CCDC169: variants seen among roughly 807,000 people sequenced by gnomAD.
CCDC169 encodes the protein coiled-coil domain containing 169, also known as coiled-coil domain-containing protein 169.
A neutral mutation model predicts 36.0 loss-of-function variants in CCDC169; 30 were observed. That is an observed-to-expected ratio of 0.83 (90% confidence interval 0.62 to 1.13). The LOEUF (loss-of-function observed/expected upper bound fraction) is 1.13. CCDC169 is among the 50% of genes most tolerant of loss of function. The pLI, the probability that CCDC169 is intolerant of heterozygous loss-of-function variation, is 0.00. For synonymous variants in CCDC169, 85 were observed against 81.5 expected (o/e 1.04, Z -0.23); for missense variants, 245 against 245.9 (o/e 1.00, Z 0.03).
Position 36,252,941 on chromosome 13 carries a change from T to C in CCDC169, c.468+862A>G, listed in dbSNP as rs562925888. Among the ~76,000 whole-genome samples, 51 of 152,354 alleles carry C rather than the reference T, an allele frequency of 3.3e-4. 1 individual carries two copies. The South Asian group carries it at 0.01, about 30-fold the overall frequency. On this transcript the variant is annotated intron_variant, in intron 6 of 7. Transcript: ENST00000239859. The stretch of plus-strand genomic sequence containing the variant: ...AAATACTAAAATATGTGGTGAATGC[T>C]ATGAAACATTGAGATGGTCTTTTTA...
At chr13:36,237,990 C>T (rs1023487546) in intron 7 of CCDC169, among the ~76,000 whole-genome samples, 2 of 152,114 alleles carry the variant, frequency 1.3e-5, no homozygotes, top group Admixed American at 1.3e-4. Flanking sequence ...TGCACAATGA[C>T]AAAATTGCCT....
chr13:36,294,169 T>C (rs1334311530), intron 2 of CCDC169, among the ~76,000 whole-genome samples: 8 of 152,190 alleles, frequency 5.3e-5, no homozygotes, highest in Non-Finnish European at 1.2e-4. Context: ...GAAAGAACTT[T>C]CTCTCCTATC....
chr13:36,297,482 C>A (rs1037749752), intron 1 of CCDC169, among the ~76,000 whole-genome samples, 155 bp downstream of exon 1: 5 of 152,182 alleles, frequency 3.3e-5, no homozygotes, highest in East Asian at 1.9e-4. Flanking sequence ...GTGAATCTTT[C>A]GCATGGAATA....
intron 4 of CCDC169, among the ~76,000 whole-genome samples, chr13:36,269,878 C>T (rs1023461536): frequency 2.0e-5 from 3 of 152,260 alleles, no homozygotes; most frequent in Non-Finnish European, 2.9e-5. Flanking sequence ...ACAAGGCTGC[C>T]GACATGCACC....
At position 36,248,535 on chromosome 13, in the gene CCDC169, A is replaced by G. The variant is rs888747301; in HGVS notation, c.545+71T>C. 7 of 1,408,092 alleles carry G rather than the reference A, an allele frequency of 5.0e-6. No homozygotes were observed. The Admixed American group carries it at 8.2e-5, about 17-fold the overall frequency. The allele number at this position is 1,408,092 out of a possible 1,614,324, so 87.2% of individuals were successfully genotyped here. On this transcript the variant is annotated intron_variant, in intron 7 of 7. Coordinates refer to ENST00000239859, the MANE Select transcript of CCDC169 (RefSeq NM_001144981.3). The stretch of plus-strand genomic sequence containing the variant: ...AAGTTCAGCTTCCAAAATATAGTGG[A>G]CACCTGTTTTGTCAGTGGCATTTAT...
chr13:36,296,472 G>T (rs1451274648), intron 1 of CCDC169, among the ~76,000 whole-genome samples: 2 of 152,076 alleles, frequency 1.3e-5, no homozygotes, highest in Non-Finnish European at 2.9e-5. Context: ...AGCAAATTAG[G>T]CACTGCACAT....
chr13:36,276,018 A>G (rs1403286685), intron 4 of CCDC169, among the ~76,000 whole-genome samples: 2 of 152,202 alleles, frequency 1.3e-5, no homozygotes, highest in African/African-American at 4.8e-5. Flanking sequence ...ACTTAAAACC[A>G]TCTCTTTCTT....
intron 4 of CCDC169, among the ~76,000 whole-genome samples, chr13:36,266,375 A>G (rs968741154): frequency 3.9e-5 from 6 of 152,020 alleles, no homozygotes; most frequent in Admixed American, 6.5e-5. Flanking sequence ...AGGGTGGGCC[A>G]CCTCTGCACA....
chr13:36,262,868 C>T (rs1234929915), intron 4 of CCDC169, among the ~76,000 whole-genome samples: 2 of 152,120 alleles, frequency 1.3e-5, no homozygotes, highest in African/African-American at 4.8e-5. Flanking sequence ...AAGGTCTCCA[C>T]CTCTAGACTA....
chr13:36,263,301 T>C (rs964866820), intron 4 of CCDC169, among the ~76,000 whole-genome samples: 1 of 152,222 alleles, frequency 6.6e-6, no homozygotes, highest in Non-Finnish European at 1.5e-5. Context: ...GTTCTCACAT[T>C]CTTGCAAATT....
chr13:36,269,539 A>G (rs1304641818), intron 4 of CCDC169, among the ~76,000 whole-genome samples: 1 of 152,236 alleles, frequency 6.6e-6, no homozygotes. Context: ...ATACTAGCTA[A>G]CTGAATCCAA....
Position 36,254,070 on chromosome 13 carries a change from G to C in CCDC169, c.389C>G (p.Ala130Gly). The change falls in exon 5 of 8, where the codon GCA (alanine) becomes GGA (glycine). Residue 130 changes from alanine to glycine, a missense_variant. Coordinates refer to ENST00000239859, the MANE Select transcript of CCDC169 (RefSeq NM_001144981.3). Reference protein sequence around the residue: ...KTLESQVKYYALKLEQESKAY... With the variant: ...KTLESQVKYYGLKLEQESKAY... ...CTTTGATTCTTGTTCCAGTTTAAGTGCATAGTATTTCACTTGACTTTCAAG... is the reference window on the plus strand; with the variant it reads ...CTTTGATTCTTGTTCCAGTTTAAGTCCATAGTATTTCACTTGACTTTCAAG... 6.5e-7 allele frequency: 1 copy of C among 1,548,668 alleles called. No homozygotes were observed. Among genetic ancestry groups the C allele is most frequent in the Non-Finnish European group, 8.7e-7 (1 of 1,146,080 alleles).
intron 4 of CCDC169, among the ~76,000 whole-genome samples, chr13:36,267,703 G>A (rs1049164057): frequency 6.6e-6 from 1 of 152,066 alleles, no homozygotes; most frequent in Non-Finnish European, 1.5e-5. Flanking sequence ...CTGTCTTCAA[G>A]AGACTCACCT....
At position 36,248,681 on chromosome 13, in the gene CCDC169, C is replaced by A. The variant is rs889643270; in HGVS notation, c.470G>T (p.Gly157Val). ...RRTYLAEMSQ[G>V]SGLHQVSKRQ... Reference sequence around the variant, plus strand: ...TTTAGAAACTTGATGTAAACCAGAACCCTGAAATACAAAAATTTGAGTGTT... The same window carrying A: ...TTTAGAAACTTGATGTAAACCAGAAACCTGAAATACAAAAATTTGAGTGTT... Residue 157 changes from glycine to valine, a missense_variant and splice_region_variant, in exon 7 of 8, where the codon GGT becomes GTT. By Grantham distance (109) the Gly-to-Val change is moderately radical. Transcript: ENST00000239859. 1 of 1,549,424 alleles carries A rather than the reference C, an allele frequency of 6.5e-7. No individual in the cohort carries two copies. Among genetic ancestry groups the A allele is most frequent in the African/African-American group, 1.4e-5 (1 of 73,078 alleles).
chr13:36,233,511 TTAAATC>T (rs562701311), intron 7 of CCDC169, among the ~76,000 whole-genome samples: 161 of 145,794 alleles, frequency 1.1e-3, no homozygotes, highest in African/African-American at 3.6e-3. Flanking sequence ...GAGAAAGACT[TTAAATC>T]TACTATTTTA....
At chr13:36,295,387 CCAA>C (rs756607194) in intron 2 of CCDC169, among the ~76,000 whole-genome samples, 2 of 152,088 alleles carry the variant, frequency 1.3e-5, no homozygotes, top group Non-Finnish European at 2.9e-5. Context: ...ACACATTCTT[CCAA>C]CAACAATAGC....
intron 2 of CCDC169, among the ~76,000 whole-genome samples, chr13:36,292,509 A>C (rs1177602620): frequency 6.6e-6 from 1 of 152,206 alleles, no homozygotes; most frequent in African/African-American, 2.4e-5. Flanking sequence ...TTTTCTACAT[A>C]CAGTTTCCTA....
intron 4 of CCDC169, among the ~76,000 whole-genome samples, chr13:36,268,535 T>C (rs1875623496): frequency 6.6e-6 from 1 of 151,928 alleles, no homozygotes; most frequent in African/African-American, 2.4e-5. Flanking sequence ...AGAGTACAAA[T>C]TGACAACCTA....
At chr13:36,289,521 T>C (rs1878622599) in intron 2 of CCDC169, among the ~76,000 whole-genome samples, 1 of 152,242 alleles carries the variant, frequency 6.6e-6, no homozygotes, top group Admixed American at 6.5e-5. Flanking sequence ...ATTCTTCCTA[T>C]GTCTGATTAA....
Sources: gnomAD v4.1 joint callset for allele counts (sites outside exome capture counted in the v4.1 genomes callset) on GRCh38, gnomAD v4.1.1 for gene constraint, MANE v1.5 for transcripts, NCBI Gene and HGNC (gene_info 2026-07-23, HGNC 2026-07-21) for gene names.